GOLT1A: variants seen among roughly 807,000 people sequenced by gnomAD.
The protein encoded by GOLT1A is vesicle transport protein GOT1A.
In GOLT1A, 10 loss-of-function variants were observed where a neutral mutation model predicts 16.1. The ratio of observed to expected loss-of-function variants is 0.62; its 90% confidence interval spans 0.38 to 1.05. GOLT1A has a LOEUF of 1.05. Ranked by LOEUF, GOLT1A falls within the 50% of genes least tolerant of loss-of-function variation. The pLI is 0.01. For missense variants in GOLT1A, 137 were observed against 165.7 expected (o/e 0.83, Z 0.95); for synonymous variants, 60 against 67.9 (o/e 0.88, Z 0.57).
intron 4 of GOLT1A, 97 bp downstream of exon 4, chr1:204,199,098 C>A: frequency 1.9e-6 from 2 of 1,068,652 alleles, no homozygotes; most frequent in Non-Finnish European, 2.8e-6. Context: ...GGGGAGAGGC[C>A]ACTGCCCCTG....
chr1:204,207,418 ACACTGATGGCTG>A (rs1167057758), intron 1 of GOLT1A, among the ~76,000 whole-genome samples: 2 of 152,154 alleles, frequency 1.3e-5, no homozygotes, highest in South Asian at 4.1e-4. Context: ...CTGGCAAGGT[ACACTGATGGCTG>A]CACTGGTGCC....
intron 1 of GOLT1A, among the ~76,000 whole-genome samples, chr1:204,203,380 C>T (rs999441762): frequency 6.6e-6 from 1 of 152,186 alleles, no homozygotes; most frequent in African/African-American, 2.4e-5. Context: ...CTGAGAACCA[C>T]TGGAGCCCAG....
rs574640389 is a variant in GOLT1A, at chr1:204,210,732, C to T, written c.25+3150G>A. Reference sequence around the variant, plus strand: ...ATGAGCCACCACACCCAGCCTCTCACGTCTTCAAACCTCCCTTGTATGCTG... The same window carrying T: ...ATGAGCCACCACACCCAGCCTCTCATGTCTTCAAACCTCCCTTGTATGCTG... On this transcript the variant is annotated intron_variant, in intron 1 of 4. Coordinates refer to ENST00000308302, the MANE Select transcript of GOLT1A (RefSeq NM_198447.2). Among the ~76,000 whole-genome samples, 5 of 152,312 alleles carry T rather than the reference C, an allele frequency of 3.3e-5. No individual in the cohort carries two copies. The South Asian group carries it at 8.3e-4, about 25-fold the overall frequency.
At chr1:204,203,882 A>G (rs563516086) in intron 1 of GOLT1A, among the ~76,000 whole-genome samples, 2 of 152,180 alleles carry the variant, frequency 1.3e-5, no homozygotes, top group South Asian at 4.1e-4. Flanking sequence ...CATTCTTTGA[A>G]GCTGCAGGAG....
At chr1:204,201,306 G>A (rs72749752) in intron 3 of GOLT1A, among the ~76,000 whole-genome samples, 15,156 of 152,270 alleles carry the variant, frequency 0.1, 1,140 homozygotes, top group African/African-American at 0.22. Context: ...GATCATGAGT[G>A]TGCCTGGAAC....
chr1:204,198,608 GAGGGGCTGT>G, intron 4 of GOLT1A, 112 bp from the exon 5 acceptor site: 1 of 1,003,122 alleles, frequency 1.0e-6, no homozygotes, highest in Non-Finnish European at 1.5e-6. Context: ...GCAGATACGA[GAGGGGCTGT>G]AGGGGCTGTG....
rs182561528 is a variant in GOLT1A, at chr1:204,204,521, C to T, written c.26-1534G>A. Among the ~76,000 whole-genome samples the T allele has an allele frequency of 4.6e-5, 7 of 152,234 alleles. No homozygotes were observed. The East Asian group carries it at 1.2e-3, about 25-fold the overall frequency. ...GAATAATAGTCCATTGCTATCTGTA[C>T]CCTGCATTTTGTTGATCCATTCATC... On this transcript the variant is annotated intron_variant, in intron 1 of 4. Transcript: ENST00000308302.
At chr1:204,210,934 G>A (rs952854223) in intron 1 of GOLT1A, among the ~76,000 whole-genome samples, 1 of 152,024 alleles carries the variant, frequency 6.6e-6, no homozygotes, top group African/African-American at 2.4e-5. Context: ...TCCCTTGGTT[G>A]TCCTCAAATG....
At position 204,208,552 on chromosome 1, in the gene GOLT1A, G is replaced by A. The variant is rs542224108; in HGVS notation, c.25+5330C>T. ...AAAAAGGAATGAAATAATGGCATTC[G>A]CAGCAACCTGGATGGAATTGGAGAT... On this transcript the variant is annotated intron_variant, in intron 1 of 4. Transcript: ENST00000308302. Among the ~76,000 whole-genome samples, 25 of 139,436 alleles carry A rather than the reference G, an allele frequency of 1.8e-4. No homozygotes were observed. In the East Asian group the frequency reaches 3.9e-3, roughly 22 times the overall value. The allele number at this position is 139,436 out of a possible 152,430, so 91.5% of individuals were successfully genotyped here. A position where few individuals can be genotyped will look rare whatever the true frequency, so the allele number is the denominator to read the frequency against.
intron 3 of GOLT1A, among the ~76,000 whole-genome samples, chr1:204,200,327 G>GTT (rs538218770): frequency 3.3e-5 from 2 of 60,406 alleles, no homozygotes; most frequent in Non-Finnish European, 3.6e-5. Context: ...ATATGTTTTT[G>GTT]TTTTTTTTTT....
intron 3 of GOLT1A, among the ~76,000 whole-genome samples, chr1:204,200,299 G>GTGTGTGTGTATATATATATA: frequency 1.2e-4 from 10 of 82,682 alleles, no homozygotes; most frequent in African/African-American, 5.5e-4. Flanking sequence ...ACATATATGT[G>GTGTGTGTGTATATATATATA]TATATATATA....
At chr1:204,211,972 A>G (rs762437894) in intron 1 of GOLT1A, among the ~76,000 whole-genome samples, 9 of 152,090 alleles carry the variant, frequency 5.9e-5, no homozygotes, top group Non-Finnish European at 8.8e-5. Context: ...GCCCTCGGTG[A>G]TCTCATGGAT....
At chr1:204,209,435 C>G (rs1287541525) in intron 1 of GOLT1A, among the ~76,000 whole-genome samples, 1 of 152,142 alleles carries the variant, frequency 6.6e-6, no homozygotes, top group Non-Finnish European at 1.5e-5. Context: ...CTCTGGGCAC[C>G]GCCTTCTCTG....
intron 1 of GOLT1A, among the ~76,000 whole-genome samples, chr1:204,209,794 C>T (rs916168806): frequency 4.6e-5 from 7 of 152,160 alleles, no homozygotes; most frequent in African/African-American, 1.4e-4. Flanking sequence ...GTGGTTTACA[C>T]CTATAATCCC....
At chr1:204,206,943 T>C (rs750985447) in intron 1 of GOLT1A, among the ~76,000 whole-genome samples, 4 of 152,194 alleles carry the variant, frequency 2.6e-5, no homozygotes, top group Non-Finnish European at 5.9e-5. Flanking sequence ...TCCAGGACTC[T>C]CCTGTGATGG....
chr1:204,209,636 T>C (rs1424155579), intron 1 of GOLT1A, among the ~76,000 whole-genome samples: 1 of 152,226 alleles, frequency 6.6e-6, no homozygotes, highest in African/African-American at 2.4e-5. Context: ...CATAACTACC[T>C]GTGACATAGG....
chr1:204,198,499 GT>G lies in GOLT1A; in HGVS notation c.361-4del. On this transcript the variant is annotated splice_region_variant and splice_polypyrimidine_tract_variant and intron_variant, in intron 4 of 4. Transcript: ENST00000308302. ...GTGCCTTGAAGTCTCCGGAACAGCTGTGGGAGCCAAGAATCATTACTCCACA... is the reference window on the plus strand; with the variant it reads ...GTGCCTTGAAGTCTCCGGAACAGCTGGGGAGCCAAGAATCATTACTCCACA... 6.2e-7 allele frequency: 1 copy of G among 1,612,956 alleles called. No individual in the cohort carries two copies. Among genetic ancestry groups the G allele is most frequent in the Non-Finnish European group, 8.5e-7 (1 of 1,179,466 alleles).
chr1:204,213,233 A>T (rs758429715), intron 1 of GOLT1A, among the ~76,000 whole-genome samples: 1 of 152,094 alleles, frequency 6.6e-6, no homozygotes, highest in Non-Finnish European at 1.5e-5. Context: ...AATGTTGGAC[A>T]CTCTATATCC....
At chr1:204,207,203 G>A (rs1365361263) in intron 1 of GOLT1A, among the ~76,000 whole-genome samples, 1 of 152,242 alleles carries the variant, frequency 6.6e-6, no homozygotes, top group Non-Finnish European at 1.5e-5. Flanking sequence ...GCCCCCAGGA[G>A]TGACAGGTGT....
Sources: gnomAD v4.1 joint callset for allele counts (sites outside exome capture counted in the v4.1 genomes callset) on GRCh38, gnomAD v4.1.1 for gene constraint, MANE v1.5 for transcripts, NCBI Gene and HGNC (gene_info 2026-07-23, HGNC 2026-07-21) for gene names.